The following RPS6KA5 variants were observed in gnomAD, a reference collection of about 807,000 sequenced individuals.
The protein encoded by RPS6KA5 is ribosomal protein S6 kinase A5.
A neutral mutation model predicts 85.5 loss-of-function variants in RPS6KA5; 27 were observed. That is an observed-to-expected ratio of 0.32 (90% CI 0.23 to 0.44). RPS6KA5 has a LOEUF of 0.44. Among genes scored for constraint, RPS6KA5 ranks in the 20% least tolerant of loss-of-function variants. The pLI is 1.00. For synonymous variants in RPS6KA5, 334 were observed against 348.2 expected (o/e 0.96, Z 0.46); for missense variants, 811 against 980.9 (o/e 0.83, Z 2.31).
At chr14:90,970,419 T>TAACTC (rs978286268) in intron 3 of RPS6KA5, among the ~76,000 whole-genome samples, 52 of 152,332 alleles carry the variant, frequency 3.4e-4, no homozygotes, top group African/African-American at 1.2e-3. Context: ...AAATACCTCT[T>TAACTC]AACTCCATTG....
intron 3 of RPS6KA5, among the ~76,000 whole-genome samples, chr14:90,954,794 A>T (rs1381391913): frequency 6.6e-6 from 1 of 152,190 alleles, no homozygotes; most frequent in Admixed American, 6.5e-5. Context: ...GTATTTCTTG[A>T]GTAAGTTCTA....
chr14:90,848,121 A>G lies in RPS6KA5; in HGVS notation c.*23953T>C, dbSNP rs986616195. On this transcript the variant is annotated 3_prime_UTR_variant, in exon 17 of 17. Coordinates refer to ENST00000614987, the MANE Select transcript of RPS6KA5 (RefSeq NM_004755.4). ...CAAAGAGAAAACTAACTTCCAGACC[A>G]TGAAGGAAAAAAAAATACATGCCTC... 5 of 152,204 alleles carry G rather than the reference A, an allele frequency of 3.3e-5. No homozygotes were observed. The highest frequency in any genetic ancestry group is 1.9e-4 in the East Asian group (1 of 5,204). The allele number at this position is 152,204 out of a possible 1,614,324, so 9.4% of individuals were successfully genotyped here. A position where few individuals can be genotyped will look rare whatever the true frequency, so the allele number is the denominator to read the frequency against.
chr14:90,906,398 G>T, intron 7 of RPS6KA5, 99 bp from the exon 8 acceptor site: 2 of 943,424 alleles, frequency 2.1e-6, no homozygotes, highest in South Asian at 2.0e-5. Flanking sequence ...ATGTGAAAGA[G>T]AGATATAAAT....
At chr14:91,016,006 CA>C (rs1397234739) in intron 1 of RPS6KA5, among the ~76,000 whole-genome samples, 2 of 152,104 alleles carry the variant, frequency 1.3e-5, no homozygotes, top group Non-Finnish European at 2.9e-5. Context: ...GAAAAAAGTC[CA>C]GGGGTGCTGT....
chr14:91,001,425 TCTA>T (rs1207289502), intron 1 of RPS6KA5, among the ~76,000 whole-genome samples: 2 of 152,206 alleles, frequency 1.3e-5, no homozygotes, highest in Non-Finnish European at 1.5e-5. Flanking sequence ...TATTAGACTC[TCTA>T]CTGACCAATA....
intron 2 of RPS6KA5, among the ~76,000 whole-genome samples, chr14:90,983,099 C>T (rs2039869170): frequency 7.4e-6 from 1 of 135,150 alleles, no homozygotes; most frequent in South Asian, 2.4e-4. Flanking sequence ...GGCAACAGAG[C>T]GAGATTCCAT....
intron 14 of RPS6KA5, among the ~76,000 whole-genome samples, chr14:90,877,560 C>T (rs2033559739): frequency 2.0e-5 from 3 of 152,234 alleles, no homozygotes; most frequent in Admixed American, 2.0e-4. Flanking sequence ...AATCCCTTCA[C>T]TGGCTTCCTT....
At chr14:90,940,684 C>A (rs1595277471) in intron 5 of RPS6KA5, among the ~76,000 whole-genome samples, 1 of 152,166 alleles carries the variant, frequency 6.6e-6, no homozygotes, top group Non-Finnish European at 1.5e-5. Flanking sequence ...AGCACATGGG[C>A]CCCTAACCCC....
At chr14:90,880,561 A>G (rs376283721) in intron 14 of RPS6KA5, among the ~76,000 whole-genome samples, 1 of 152,142 alleles carries the variant, frequency 6.6e-6, no homozygotes, top group African/African-American at 2.4e-5. Context: ...TTAACTCTGT[A>G]TGTGTCCATT....
At chr14:90,979,876 A>C (rs1171145381) in intron 2 of RPS6KA5, among the ~76,000 whole-genome samples, 3 of 152,378 alleles carry the variant, frequency 2.0e-5, no homozygotes, top group Non-Finnish European at 4.4e-5. Flanking sequence ...GAACTGATTC[A>C]AATGCAAGGA....
chr14:90,922,775 T>C lies in RPS6KA5; in HGVS notation c.702+338A>G, dbSNP rs143109319. Among the ~76,000 whole-genome samples the C allele has an allele frequency of 2.6e-3, 392 of 152,252 alleles. 1 individual carries two copies. Among genetic ancestry groups the C allele is most frequent in the African/African-American group, 9.1e-3 (378 of 41,552 alleles). The stretch of plus-strand genomic sequence containing the variant: ...GAGTCATAGTTTGTACTCTAAGAAA[T>C]AGGCTCTCTCAACAGAAATAAAATA... On this transcript the variant is annotated intron_variant, in intron 6 of 16. Coordinates refer to ENST00000614987, the MANE Select transcript of RPS6KA5 (RefSeq NM_004755.4).
chr14:90,880,831 CTT>C (rs560458875), intron 14 of RPS6KA5, among the ~76,000 whole-genome samples: 20 of 132,394 alleles, frequency 1.5e-4, no homozygotes, highest in Admixed American at 3.0e-4. Context: ...CTTTTGTAAA[CTT>C]TTTTTTTTTT....
rs142331564 is a variant in RPS6KA5 at position 90,995,005 on chromosome 14, A to C, written c.175+6083T>G. Among the ~76,000 whole-genome samples the C allele has an allele frequency of 4.5e-3, 686 of 152,264 alleles. 11 individuals carry two copies. Among genetic ancestry groups the C allele is most frequent in the African/African-American group, 0.015 (632 of 41,548 alleles). On this transcript the variant is annotated intron_variant, in intron 2 of 16. Coordinates refer to ENST00000614987, the MANE Select transcript of RPS6KA5 (RefSeq NM_004755.4). ...CTGTTGGGAACACTACCAATTCATAAGTAGAATAAACTAAATTCATACTTG... is the reference window on the plus strand; with the variant it reads ...CTGTTGGGAACACTACCAATTCATACGTAGAATAAACTAAATTCATACTTG...
intron 1 of RPS6KA5, among the ~76,000 whole-genome samples, chr14:91,035,464 T>G (rs1294673561): frequency 6.6e-6 from 1 of 151,940 alleles, no homozygotes; most frequent in Non-Finnish European, 1.5e-5. Flanking sequence ...GCCAAAATAT[T>G]ATACATAAGT....
chr14:91,016,265 G>A (rs988381600), intron 1 of RPS6KA5, among the ~76,000 whole-genome samples: 1 of 151,982 alleles, frequency 6.6e-6, no homozygotes. Context: ...CTTTAGAGAC[G>A]GGGTCTTACT....
chr14:90,991,942 T>G (rs901023951), intron 2 of RPS6KA5, among the ~76,000 whole-genome samples: 1 of 152,106 alleles, frequency 6.6e-6, no homozygotes. Context: ...TATTCCACAG[T>G]CTTCAAGATA....
At position 90,863,042 on chromosome 14, in the gene RPS6KA5, T is replaced by C. The variant is rs75055810; in HGVS notation, c.*9032A>G. On this transcript the variant is annotated 3_prime_UTR_variant, in exon 17 of 17. Transcript: ENST00000614987. ...ATATTGGGCTGGGTGAGGTGGCTCA[T>C]GCCTGTAATCTCAGCACTTTGGGAG... The C allele has an allele frequency of 0.18, 27,566 of 151,830 alleles. 2,825 individuals carry two copies. The highest frequency in any genetic ancestry group is 0.25 in the Middle Eastern group (74 of 294). 9.4% of individuals were successfully genotyped at this position (151,830 alleles called of 1,614,324 possible).
chr14:90,881,019 GA>G (rs2033802622), intron 14 of RPS6KA5, among the ~76,000 whole-genome samples: 1 of 151,832 alleles, frequency 6.6e-6, no homozygotes, highest in African/African-American at 2.4e-5. Flanking sequence ...ATTTTTTGTA[GA>G]AATGAGGTCT....
chr14:90,935,139 AG>A (rs2037190341), intron 5 of RPS6KA5, among the ~76,000 whole-genome samples: 1 of 152,190 alleles, frequency 6.6e-6, no homozygotes, highest in African/African-American at 2.4e-5. Flanking sequence ...AAGCTGGTTT[AG>A]GGTTAGGTTA....
Sources: allele counts gnomAD v4.1 joint callset (sites outside exome capture counted in the v4.1 genomes callset), GRCh38; gene constraint gnomAD v4.1.1; transcripts MANE v1.5; gene names NCBI Gene and HGNC (gene_info 2026-07-23, HGNC 2026-07-21).